Variants in PDIA6 observed in about 807,000 individuals in gnomAD.
PDIA6 encodes the protein protein disulfide-isomerase A6.
In PDIA6, 29 loss-of-function variants were observed where a neutral mutation model predicts 58.4. The ratio of observed to expected loss-of-function variants is 0.50; its 90% CI spans 0.37 to 0.68. PDIA6 has a LOEUF of 0.68. Ranked by LOEUF, PDIA6 falls within the 30% of genes least tolerant of loss-of-function variation. PDIA6 has a pLI of 0.00. For missense variants in PDIA6, 480 were observed against 551.0 expected (o/e 0.87, Z 1.29); for synonymous variants, 192 against 202.6 (o/e 0.95, Z 0.44).
chr2:10,787,368 G>T lies in PDIA6; in HGVS notation c.1070C>A (p.Pro357His). Residue 357 changes from proline (P) to histidine (H), a missense_variant, in exon 11 of 13, where the codon CCC becomes CAC. Pro to His is a moderately conservative substitution (Grantham distance 77, BLOSUM62 -2). Coordinates refer to ENST00000272227, the MANE Select transcript of PDIA6 (RefSeq NM_005742.4). ...TALGIGGFGYPAMAAINARKM... is the reference protein window; with the variant it reads ...TALGIGGFGYHAMAAINARKM... ...GCGTGCATTGATGGCGGCCATGGCG[G>T]GGTACCCAAACCCTCCAATCCCCAA... 6.2e-7 allele frequency: 1 copy of T among 1,614,118 alleles called. No individual in the cohort carries two copies. Among genetic ancestry groups the T allele is most frequent in the Non-Finnish European group, 8.5e-7 (1 of 1,180,018 alleles).
chr2:10,814,276 A>T (rs975668533), upstream of PDIA6, among the ~76,000 whole-genome samples: 3 of 152,362 alleles, frequency 2.0e-5, no homozygotes, highest in Admixed American at 6.5e-5. Flanking sequence ...TCAGAGGCAC[A>T]GCAGCCCTCT....
chr2:10,793,556 A>G (rs1686519), intron 4 of PDIA6, among the ~76,000 whole-genome samples: 74,166 of 151,894 alleles, frequency 0.49, 19,647 homozygotes, highest in Middle Eastern at 0.58. Flanking sequence ...TAGAGACAGG[A>G]TTTCACCATG....
intron 1 of PDIA6, among the ~76,000 whole-genome samples, chr2:10,831,392 T>C (rs1221543208): frequency 6.6e-6 from 1 of 152,198 alleles, no homozygotes; most frequent in Non-Finnish European, 1.5e-5. Context: ...TCAGCGGCAC[T>C]GGTCACATTA....
At chr2:10,795,752 C>A (rs971180119) in intron 4 of PDIA6, among the ~76,000 whole-genome samples, 3 of 152,154 alleles carry the variant, frequency 2.0e-5, no homozygotes, top group Non-Finnish European at 2.9e-5. Flanking sequence ...TTCTGTACCC[C>A]TCACCCCTAC....
At chr2:10,789,965 A>C in intron 7 of PDIA6, 76 bp from the exon 8 acceptor site, 1 of 1,346,446 alleles carries the variant, frequency 7.4e-7, no homozygotes. Flanking sequence ...AGTTTCTAAA[A>C]CCACCTTATA....
intron 1 of PDIA6, among the ~76,000 whole-genome samples, chr2:10,806,505 A>G (rs115336937): frequency 0.026 from 3,943 of 150,626 alleles, 99 homozygotes; most frequent in African/African-American, 0.055. Context: ...ACCAGATGCC[A>G]TGGCTCACAC....
At chr2:10,812,571 C>T in intron 1 of PDIA6, 107 bp downstream of exon 1, 2 of 1,167,644 alleles carry the variant, frequency 1.7e-6, no homozygotes, top group Non-Finnish European at 2.3e-6. Context: ...CCGCCAGGCC[C>T]ACTTCCGGCC....
chr2:10,807,778 C>G (rs575933769), intron 1 of PDIA6, among the ~76,000 whole-genome samples: 1 of 152,288 alleles, frequency 6.6e-6, no homozygotes, highest in African/African-American at 2.4e-5. Context: ...CTGCTAAATC[C>G]TCCATCATAC....
chr2:10,797,669 T>C, intron 3 of PDIA6, 31 bp downstream of exon 3: 1 of 1,575,614 alleles, frequency 6.3e-7, no homozygotes, highest in African/African-American at 1.4e-5. Flanking sequence ...AAAAAAGTTT[T>C]GTAAGCCTTT....
intron 1 of PDIA6, among the ~76,000 whole-genome samples, chr2:10,806,043 A>C (rs1303822284): frequency 1.9e-5 from 2 of 104,316 alleles, no homozygotes; most frequent in Non-Finnish European, 4.9e-5. Flanking sequence ...AAAAAAAAAA[A>C]ACGAAAAAAA....
At chr2:10,835,736 G>A (rs545196296), upstream of PDIA6, among the ~76,000 whole-genome samples, 131 of 152,300 alleles carry the variant, frequency 8.6e-4, 2 homozygotes, top group South Asian at 4.8e-3. Flanking sequence ...GGGACCGCCA[G>A]GGGATCCTAT....
At chr2:10,804,924 CTT>C (rs1445130103) in intron 1 of PDIA6, among the ~76,000 whole-genome samples, 2 of 120,334 alleles carry the variant, frequency 1.7e-5, no homozygotes, top group Non-Finnish European at 3.9e-5. Context: ...ATTTTATTCT[CTT>C]TGAAGCAATT....
chr2:10,812,410 C>G (rs1667038491), intron 1 of PDIA6, among the ~76,000 whole-genome samples: 1 of 151,694 alleles, frequency 6.6e-6, no homozygotes, highest in African/African-American at 2.4e-5. Context: ...CCGCCCGGCC[C>G]TGGACCCCGC....
At position 10,787,329 on chromosome 2, in the gene PDIA6, G is replaced by A. The variant is rs1464218845; in HGVS notation, c.1109C>T (p.Ala370Val). The A allele has an allele frequency of 1.2e-6, 2 of 1,614,056 alleles. No homozygotes were observed. The highest frequency in any genetic ancestry group is 1.3e-5 in the African/African-American group (1 of 74,922). The change falls in exon 11 of 13, where the codon GCT (alanine) becomes GTT (valine). Residue 370 changes from alanine (A) to valine (V), a missense_variant. Physicochemically the swap from Ala to Val is moderately conservative, Grantham distance 64. Coordinates refer to ENST00000272227, the MANE Select transcript of PDIA6 (RefSeq NM_005742.4). ...AAINARKMKF[A>V]LLKGSFSEQG... ...CTCACTGAAGGAGCCTTTTAGCAGA[G>A]CAAATTTCATCTTGCGTGCATTGAT...
At chr2:10,786,553 T>G (rs2148531465) in intron 11 of PDIA6, among the ~76,000 whole-genome samples, 1 of 151,846 alleles carries the variant, frequency 6.6e-6, no homozygotes, top group South Asian at 2.1e-4. Flanking sequence ...GCACACAAAC[T>G]TCTGTGTCAA....
chr2:10,810,390 G>C, intron 1 of PDIA6: 1 of 1,479,592 alleles, frequency 6.8e-7, no homozygotes, highest in South Asian at 1.4e-5. Context: ...AATAACGTCA[G>C]TCCTCTCCTC....
chr2:10,793,265 G>T, intron 4 of PDIA6, 63 bp from the exon 5 acceptor site: 2 of 1,080,550 alleles, frequency 1.9e-6, no homozygotes, highest in Non-Finnish European at 2.9e-6. Flanking sequence ...CATCTGGCCC[G>T]GCCCAAGACT....
upstream of PDIA6, among the ~76,000 whole-genome samples, chr2:10,834,733 T>TTCCTTCCTC (rs1667791394): frequency 2.2e-4 from 2 of 9,042 alleles, no homozygotes; most frequent in Non-Finnish European, 4.6e-4. Context: ...CTTCCTTCCC[T>TTCCTTCCTC]CCTTCCTTCC....
intron 1 of PDIA6, among the ~76,000 whole-genome samples, chr2:10,827,880 GT>G (rs1193455536): frequency 6.6e-6 from 1 of 150,838 alleles, no homozygotes; most frequent in African/African-American, 2.4e-5. Flanking sequence ...TAAAAAAAAA[GT>G]TTGTGAAAGT....
Sources: allele counts gnomAD v4.1 joint callset (sites outside exome capture counted in the v4.1 genomes callset), GRCh38; gene constraint gnomAD v4.1.1; transcripts MANE v1.5; gene names NCBI Gene and HGNC (gene_info 2026-07-23, HGNC 2026-07-21).